Variants in GRB10 observed in about 807,000 individuals in gnomAD.
GRB10 encodes the protein growth factor receptor bound protein 10.
GRB10 carries 20 observed loss-of-function variants against 80.9 expected under a neutral mutation model. That is an observed-to-expected ratio of 0.25 (90% CI 0.17 to 0.36). The LOEUF (loss-of-function observed/expected upper bound fraction) is 0.36, where lower values mean the gene tolerates loss of function less well. GRB10 is among the 10% of genes least tolerant of loss of function. GRB10 has a pLI of 1.00. For synonymous variants in GRB10, 291 were observed against 291.5 expected (o/e 1.00, Z 0.02); for missense variants, 548 against 747.7 (o/e 0.73, Z 3.12).
chr7:50,760,192 G>A lies in GRB10; in HGVS notation c.-216-4136C>T, dbSNP rs117600481. Among the ~76,000 whole-genome samples the A allele has an allele frequency of 2.5e-4, 38 of 152,270 alleles. No homozygotes were observed. In the East Asian group the frequency reaches 4.6e-3, roughly 19 times the overall value. On this transcript the variant is annotated intron_variant, in intron 2 of 18. Coordinates refer to ENST00000401949, the MANE Select transcript of GRB10 (RefSeq NM_001350814.2). ...AAAACTAGCCAAAGGCCAGCAGAGC[G>A]GTGAGAGGCAGGATAAATATACATG...
At chr7:50,638,135 T>C (rs182777650) in intron 7 of GRB10, among the ~76,000 whole-genome samples, 25 of 152,244 alleles carry the variant, frequency 1.6e-4, no homozygotes, top group Admixed American at 1.1e-3. Flanking sequence ...TCAAGATGGA[T>C]TAAAGACTTA....
intron 4 of GRB10, among the ~76,000 whole-genome samples, chr7:50,724,537 G>A (rs771877290): frequency 1.3e-5 from 2 of 152,212 alleles, no homozygotes; most frequent in Non-Finnish European, 2.9e-5. Flanking sequence ...GTGCTACAAT[G>A]AGGGATGGGA....
At chr7:50,710,885 A>T in intron 4 of GRB10, 1 of 1,612,754 alleles carries the variant, frequency 6.2e-7, no homozygotes. Context: ...CTTACTACGG[A>T]ACAGAGGGCC....
intron 4 of GRB10, among the ~76,000 whole-genome samples, chr7:50,718,846 A>T (rs2067279188): frequency 6.6e-6 from 1 of 152,134 alleles, no homozygotes; most frequent in Non-Finnish European, 1.5e-5. Flanking sequence ...CCAATGTCTA[A>T]GCTTGTTGAA....
At chr7:50,607,515 G>A (rs1311732174) in intron 13 of GRB10, among the ~76,000 whole-genome samples, 1 of 152,124 alleles carries the variant, frequency 6.6e-6, no homozygotes, top group Non-Finnish European at 1.5e-5. Context: ...TCAAGAGCAA[G>A]TAATCTTATT....
At chr7:50,621,400 G>A (rs574289039) in intron 8 of GRB10, among the ~76,000 whole-genome samples, 5 of 152,168 alleles carry the variant, frequency 3.3e-5, no homozygotes, top group Non-Finnish European at 5.9e-5. Context: ...TCCAGAGGGC[G>A]CCTACCATCC....
At chr7:50,768,604 C>T (rs755207280) in intron 2 of GRB10, among the ~76,000 whole-genome samples, 2 of 152,212 alleles carry the variant, frequency 1.3e-5, no homozygotes, top group African/African-American at 2.4e-5. Context: ...CAACATGCTC[C>T]CTAATCTGGT....
At chr7:50,774,119 G>A (rs1057269377) in intron 2 of GRB10, among the ~76,000 whole-genome samples, 1 of 152,182 alleles carries the variant, frequency 6.6e-6, no homozygotes, top group Non-Finnish European at 1.5e-5. Flanking sequence ...AACCACAGAC[G>A]ATTCTATTCA....
At position 50,676,253 on chromosome 7, in the gene GRB10, G is replaced by T. The variant is rs192469503; in HGVS notation, c.140-1595C>A. 1.4e-3 allele frequency among the ~76,000 whole-genome samples: 215 copies of T among 151,308 alleles called. 3 individuals carry two copies. The highest frequency in any genetic ancestry group is 3.4e-3 in the Middle Eastern group (1 of 294). On this transcript the variant is annotated intron_variant, in intron 5 of 18. Transcript: ENST00000401949. The stretch of plus-strand genomic sequence containing the variant: ...CCCTGCCCTGCTCCTAGTAGCTCTG[G>T]GCCCAGGGCCCAGGACGTGGGCTTC...
chr7:50,738,321 CTTCTATACCCATG>C (rs1013575608), intron 3 of GRB10, among the ~76,000 whole-genome samples: 7 of 152,336 alleles, frequency 4.6e-5, no homozygotes, highest in African/African-American at 1.7e-4. Flanking sequence ...GGCTCAGGTA[CTTCTATACCCATG>C]TTCATAGCAG....
At chr7:50,758,912 C>T (rs2075411319) in intron 2 of GRB10, among the ~76,000 whole-genome samples, 1 of 152,208 alleles carries the variant, frequency 6.6e-6, no homozygotes, top group South Asian at 2.1e-4. Context: ...AGGCCAGGCA[C>T]AGTGGCTCAC....
intron 1 of GRB10, among the ~76,000 whole-genome samples, chr7:50,792,272 C>A (rs2078953173): frequency 6.6e-6 from 1 of 151,930 alleles, no homozygotes; most frequent in Non-Finnish European, 1.5e-5. Flanking sequence ...AACTGGGCAC[C>A]AAGTTTGCAA....
chr7:50,790,961 C>T (rs1399677310), intron 1 of GRB10, among the ~76,000 whole-genome samples: 2 of 152,214 alleles, frequency 1.3e-5, no homozygotes. Context: ...TGAGTAGACA[C>T]AGACATAGCT....
At chr7:50,740,569 C>T (rs1362408641) in intron 3 of GRB10, among the ~76,000 whole-genome samples, 2 of 152,026 alleles carry the variant, frequency 1.3e-5, no homozygotes, top group Non-Finnish European at 2.9e-5. Flanking sequence ...AGATCCTACT[C>T]TTTATTAAGA....
intron 18 of GRB10, 64 bp from the exon 19 acceptor site, chr7:50,593,162 C>A: frequency 6.3e-7 from 1 of 1,581,306 alleles, no homozygotes. Flanking sequence ...GAACGGGGCC[C>A]ACGGCCAGCA....
chr7:50,641,198 G>A (rs576770991), intron 7 of GRB10, among the ~76,000 whole-genome samples: 10 of 151,026 alleles, frequency 6.6e-5, no homozygotes, highest in Non-Finnish European at 8.8e-5. Flanking sequence ...CCACCTGTTC[G>A]TCTGTTCGAT....
intron 1 of GRB10, among the ~76,000 whole-genome samples, chr7:50,789,737 G>T (rs1195344585): frequency 6.6e-6 from 1 of 152,058 alleles, no homozygotes; most frequent in East Asian, 1.9e-4. Flanking sequence ...TCAAAAATAT[G>T]AATATTCTAA....
At chr7:50,693,989 T>G (rs2063136734) in intron 5 of GRB10, among the ~76,000 whole-genome samples, 1 of 152,002 alleles carries the variant, frequency 6.6e-6, no homozygotes, top group African/African-American at 2.4e-5. Flanking sequence ...GGGCAGAGAC[T>G]CTGCAATGCT....
At chr7:50,718,545 C>T (rs940026269) in intron 4 of GRB10, among the ~76,000 whole-genome samples, 3 of 152,096 alleles carry the variant, frequency 2.0e-5, no homozygotes, top group South Asian at 2.1e-4. Context: ...CACTCTCACA[C>T]GAGGATCCCA....
Sources: gnomAD v4.1 joint callset for allele counts (sites outside exome capture counted in the v4.1 genomes callset) on GRCh38, gnomAD v4.1.1 for gene constraint, MANE v1.5 for transcripts, NCBI Gene and HGNC (gene_info 2026-07-23, HGNC 2026-07-21) for gene names.